The following TMX2 variants were observed in gnomAD, a reference collection of about 807,000 sequenced individuals.
The protein encoded by TMX2 is thioredoxin related transmembrane protein 2.
TMX2 carries 20 observed loss-of-function variants against 33.4 expected under a neutral mutation model. The observed-to-expected ratio is 0.60, with a 90% CI of 0.42 to 0.87. The LOEUF is 0.87. Ranked by LOEUF, TMX2 falls within the 40% of genes least tolerant of loss-of-function variation. The probability of loss-of-function intolerance (pLI) is 0.00; values close to 1 mark genes in which losing one functional copy is unlikely to be tolerated. For synonymous variants in TMX2, 166 were observed against 140.7 expected (o/e 1.18, Z -1.27); for missense variants, 340 against 370.7 (o/e 0.92, Z 0.68).
chr11:57,730,693 G>T (rs1288736356), intron 1 of TMX2, among the ~76,000 whole-genome samples: 1 of 150,760 alleles, frequency 6.6e-6, no homozygotes, highest in African/African-American at 2.4e-5. Context: ...AGCCGAGATC[G>T]TACCATTGCA....
intron 2 of TMX2, 71 bp from the exon 3 acceptor site, chr11:57,737,842 A>G (rs757333793): frequency 1.3e-5 from 21 of 1,613,920 alleles, no homozygotes; most frequent in Admixed American, 8.3e-5. Flanking sequence ...AAAGTGCCCC[A>G]TGAAGAGGGA....
rs1317530676 is a variant in TMX2, at chr11:57,740,177, C to G, written c.823C>G (p.Pro275Ala). 1.9e-6 allele frequency: 3 copies of G among 1,613,788 alleles called. No individual in the cohort carries two copies. The African/African-American group carries it at 4.0e-5, about 22-fold the overall frequency. The change falls in exon 8 of 8, where the codon CCT (proline) becomes GCT (alanine). Residue 275 changes from proline to alanine, a missense_variant. Physicochemically the swap from Pro to Ala is conservative, Grantham distance 27. Transcript: ENST00000278422. Reference protein sequence around the residue: ...KKLSKAGDNIPEEQPVASTPT... With the variant: ...KKLSKAGDNIAEEQPVASTPT... Reference sequence around the variant, plus strand: ...ACTATCAAAGGCTGGAGACAATATCCCTGAGGAGCAGCCTGTGGCTTCAAC... The same window carrying G: ...ACTATCAAAGGCTGGAGACAATATCGCTGAGGAGCAGCCTGTGGCTTCAAC...
At chr11:57,733,549 GC>G (rs1247039312) in intron 1 of TMX2, among the ~76,000 whole-genome samples, 1 of 151,764 alleles carries the variant, frequency 6.6e-6, no homozygotes, top group Non-Finnish European at 1.5e-5. Flanking sequence ...GAGTCACCGC[GC>G]CCAGCCTATA....
intron 1 of TMX2, among the ~76,000 whole-genome samples, chr11:57,722,892 C>A (rs1947729796): frequency 6.6e-6 from 1 of 152,066 alleles, no homozygotes; most frequent in Non-Finnish European, 1.5e-5. Flanking sequence ...ACGGGTGGAT[C>A]ACCTGAACTC....
chr11:57,715,258 G>A (rs1946896691), intron 1 of TMX2, among the ~76,000 whole-genome samples: 1 of 152,000 alleles, frequency 6.6e-6, no homozygotes, highest in South Asian at 2.1e-4. Context: ...AAAATTAGCT[G>A]GGTGTGGTGG....
At chr11:57,718,247 G>T in intron 1 of TMX2, 2 of 1,505,626 alleles carry the variant, frequency 1.3e-6, no homozygotes, top group Non-Finnish European at 1.8e-6. Flanking sequence ...TGGACAAGGT[G>T]CCAGGACCTG....
intron 1 of TMX2, 44 bp from the exon 2 acceptor site, chr11:57,737,564 T>C: frequency 6.5e-7 from 1 of 1,549,558 alleles, no homozygotes; most frequent in South Asian, 1.1e-5. Context: ...CTAAGTTAGC[T>C]CTAGTCACTG....
intron 5 of TMX2, 37 bp downstream of exon 5, chr11:57,738,807 A>C: frequency 6.3e-6 from 10 of 1,581,292 alleles, no homozygotes; most frequent in Non-Finnish European, 8.7e-6. Flanking sequence ...GGAAATGGAG[A>C]TGCTGTGCCT....
rs1948859161 is a variant in TMX2 at position 57,738,046 on chromosome 11, TTC to T, written c.364+22_364+23del. ...GCATAGGTGAGGAGACTGCCTTTCT[TTC>T]TTTTTTTTTTTTTGTAAGACTGTGT... On this transcript the variant is annotated intron_variant, in intron 3 of 7. Transcript: ENST00000278422. 1.3e-6 allele frequency: 2 copies of T among 1,553,032 alleles called. No homozygotes were observed. The highest frequency in any genetic ancestry group is 1.2e-5 in the South Asian group (1 of 81,532).
Position 57,712,708 on chromosome 11 carries a change from C to T in TMX2, c.90C>T (p.Ala30=), listed in dbSNP as rs765387044. 1.5e-5 allele frequency: 24 copies of T among 1,614,076 alleles called. 1 individual carries two copies. Among genetic ancestry groups the T allele is most frequent in the Non-Finnish European group, 2.0e-5 (24 of 1,180,036 alleles). Residue 30 remains alanine, a synonymous_variant, in exon 1 of 8, where the codon GCC becomes GCT. Coordinates refer to ENST00000278422, the MANE Select transcript of TMX2 (RefSeq NM_015959.4). Reference sequence around the variant, plus strand: ...CCCAACCTTACTACCTTCTGTCGGCCCTGCTCTCTGCTGCCTTCCTACTCG... The same window carrying T: ...CCCAACCTTACTACCTTCTGTCGGCTCTGCTCTCTGCTGCCTTCCTACTCG... ...WLAQPYYLLS[A]LLSAAFLLVR... is the part of the protein sequence containing the mutation.
Position 57,740,479 on chromosome 11 carries a change from G to A in TMX2, c.*234G>A. On this transcript the variant is annotated 3_prime_UTR_variant, in exon 8 of 8. Coordinates refer to ENST00000278422, the MANE Select transcript of TMX2 (RefSeq NM_015959.4). Reference sequence around the variant, plus strand: ...AGCAAGAAAGAGATCTCATAGGACGGAGGGGGAAATGGTTTCCCTCCAAGC... The same window carrying A: ...AGCAAGAAAGAGATCTCATAGGACGAAGGGGGAAATGGTTTCCCTCCAAGC... The A allele has an allele frequency of 2.2e-6, 1 of 463,480 alleles. No homozygotes were observed. The highest frequency in any genetic ancestry group is 3.3e-5 in the South Asian group (1 of 30,226). 28.7% of individuals were successfully genotyped at this position (463,480 alleles called of 1,614,324 possible).
intron 1 of TMX2, 105 bp downstream of exon 1, chr11:57,712,912 G>A (rs551386166): frequency 3.3e-5 from 42 of 1,266,900 alleles, no homozygotes; most frequent in Non-Finnish European, 4.4e-5. Context: ...CTGAGGTTCC[G>A]AGCCTGTAGC....
chr11:57,720,323 A>G (rs560888347), intron 1 of TMX2, among the ~76,000 whole-genome samples: 15 of 152,210 alleles, frequency 9.9e-5, no homozygotes, highest in Non-Finnish European at 1.6e-4. Flanking sequence ...ATGTCTATAC[A>G]TGTGTTTATT....
chr11:57,738,924 CCTTGATCCATTATTTTT>C, intron 5 of TMX2, 33 bp from the exon 6 acceptor site: 1 of 1,585,662 alleles, frequency 6.3e-7, no homozygotes. Flanking sequence ...CTTCCACTTT[CCTTGATCCATTATTTTT>C]TTTCAGCATA....
At chr11:57,714,055 G>A (rs1389203424) in intron 1 of TMX2, among the ~76,000 whole-genome samples, 1 of 152,146 alleles carries the variant, frequency 6.6e-6, no homozygotes, top group Admixed American at 6.5e-5. Context: ...GGTTTCCAGG[G>A]ACCTTTAATT....
intron 1 of TMX2, chr11:57,717,964 G>C (rs1025003056): frequency 1.4e-6 from 1 of 726,934 alleles, no homozygotes; most frequent in Non-Finnish European, 2.5e-6. Context: ...CGAGCAAATG[G>C]GGTAGAGGGG....
chr11:57,716,484 C>T (rs2135462564), intron 1 of TMX2, among the ~76,000 whole-genome samples: 2 of 132,170 alleles, frequency 1.5e-5, no homozygotes, highest in East Asian at 4.9e-4. Context: ...GCTGGCCGGG[C>T]TGAGGGGCTC....
chr11:57,716,286 G>T (rs1395936169), intron 1 of TMX2, among the ~76,000 whole-genome samples: 2 of 146,310 alleles, frequency 1.4e-5, no homozygotes, highest in Admixed American at 1.3e-4. Flanking sequence ...CTCCCTCCCG[G>T]ATGTGGGGCT....
At position 57,740,693 on chromosome 11, in the gene TMX2, G is replaced by C; in HGVS notation, c.*448G>C. On this transcript the variant is annotated 3_prime_UTR_variant, in exon 8 of 8. Transcript: ENST00000278422. ...CCCCCAAGGACTCTTGCTTCCTTAAGCCCTTCTGGCTTCGTTTATGGTCTT... is the reference window on the plus strand; with the variant it reads ...CCCCCAAGGACTCTTGCTTCCTTAACCCCTTCTGGCTTCGTTTATGGTCTT... 6.4e-6 allele frequency: 1 copy of C among 157,304 alleles called. No homozygotes were observed. The highest frequency in any genetic ancestry group is 1.9e-4 in the South Asian group (1 of 5,332). 9.7% of individuals were successfully genotyped at this position (157,304 alleles called of 1,614,324 possible). A position where few individuals can be genotyped will look rare whatever the true frequency, so the allele number is the denominator to read the frequency against.
Sources: gnomAD v4.1 joint callset for allele counts (sites outside exome capture counted in the v4.1 genomes callset) on GRCh38, gnomAD v4.1.1 for gene constraint, MANE v1.5 for transcripts, NCBI Gene and HGNC (gene_info 2026-07-23, HGNC 2026-07-21) for gene names.